Variants in VPS18 observed in about 807,000 individuals in gnomAD.
The protein encoded by VPS18 is VPS18 core subunit of CORVET and HOPS complexes.
A neutral mutation model predicts 82.0 loss-of-function variants in VPS18; 25 were observed. The ratio of observed to expected loss-of-function variants is 0.30; its 90% CI spans 0.22 to 0.43. The LOEUF (loss-of-function observed/expected upper bound fraction) is 0.43. VPS18 is among the 20% of genes least tolerant of loss of function. VPS18 has a pLI of 1.00. For synonymous variants in VPS18, 523 were observed against 543.0 expected, an observed-to-expected ratio of 0.96 and a Z score of 0.51; for missense variants, 1,168 against 1,311.1, an observed-to-expected ratio of 0.89 and a Z score of 1.69.
intron 2 of VPS18, 113 bp downstream of exon 2, chr15:40,896,192 T>G: frequency 6.9e-7 from 1 of 1,451,998 alleles, no homozygotes; most frequent in Non-Finnish European, 9.4e-7. Context: ...ATTTGGAGTT[T>G]TCAGGAAATA....
At chr15:40,896,189 G>A (rs752414083) in intron 2 of VPS18, 110 bp downstream of exon 2, 22 of 1,472,972 alleles carry the variant, frequency 1.5e-5, no homozygotes, top group Non-Finnish European at 1.7e-5. Flanking sequence ...TGAATTTGGA[G>A]TTTTCAGGAA....
rs1249646555 is a variant in VPS18 at position 40,902,112 on chromosome 15, CTTTCTTT to C, written c.2197-500_2197-494del. Among the ~76,000 whole-genome samples, 2 of 132,770 alleles carry C rather than the reference CTTTCTTT, an allele frequency of 1.5e-5. No homozygotes were observed. The highest frequency in any genetic ancestry group is 6.6e-5 in the African/African-American group (2 of 30,200). The allele number at this position is 132,770 out of a possible 152,430, so 87.1% of individuals were successfully genotyped here. ...AGGTGATTTCTTTCTTTCTTTCTTT[CTTTCTTT>C]TTTTTTTTTTTGAGACGGAGTCTTG... On this transcript the variant is annotated intron_variant, in intron 4 of 4. Transcript: ENST00000220509. This position sits in a 1 kb window ranked among gnomAD's most constrained non-coding sequence, Gnocchi z 4.2.
In VPS18 at chr15:40,896,874, T is replaced by C. The variant is rs1892239330; in HGVS notation, c.233+795T>C. Among the ~76,000 whole-genome samples the C allele has an allele frequency of 2.0e-5, 3 of 151,412 alleles. No homozygotes were observed. The South Asian group carries it at 6.3e-4, about 32-fold the overall frequency. On this transcript the variant is annotated intron_variant, in intron 2 of 4. Transcript: ENST00000220509. The stretch of plus-strand genomic sequence containing the variant: ...TTTAGGAGTGTAGACTTAAGAGTAT[T>C]AGAGTATTGATTAGAGCATTCTTGT...
chr15:40,899,850 G>T lies in VPS18; in HGVS notation c.1032G>T (p.Glu344Asp). The change falls in exon 4 of 5, where the codon GAG (glutamate) becomes GAT (aspartate). Residue 344 changes from glutamate to aspartate, a missense_variant. By Grantham distance (45) the Glu-to-Asp change is conservative. This residue lies in a region of VPS18 where 868 missense variants were observed against 939.8 expected (regional missense o/e 0.92). Transcript: ENST00000220509. The surrounding 1 kb of genome is among the most constrained non-coding windows in gnomAD (Gnocchi z 4.4). ...TGCTGCTACTGGCAGACCGGGTGGA[G>T]GCAGTGTGCACACTGACCGGGCAGG... ...HFLLLLADRV[E>D]AVCTLTGQVV... 3 of 1,608,744 alleles carry T rather than the reference G, an allele frequency of 1.9e-6. No homozygotes were observed. The highest frequency in any genetic ancestry group is 2.5e-6 in the Non-Finnish European group (3 of 1,180,006).
rs1892326770 is a variant in VPS18 at position 40,900,273 on chromosome 15, T to C, written c.1455T>C (p.Arg485=). ...TGGCCAGTTTGAAGCCAGCCGAACGTACCCAGGCCACACTGCTGACCACCT... is the reference window on the plus strand; with the variant it reads ...TGGCCAGTTTGAAGCCAGCCGAACGCACCCAGGCCACACTGCTGACCACCT... ...RKLASLKPAE[R]TQATLLTTWL... Residue 485 remains arginine, a synonymous_variant, in exon 4 of 5, where the codon CGT becomes CGC. Coordinates refer to ENST00000220509, the MANE Select transcript of VPS18 (RefSeq NM_020857.3). This position sits in a 1 kb window ranked among gnomAD's most constrained non-coding sequence, Gnocchi z 5.4. 1.2e-6 allele frequency: 2 copies of C among 1,613,644 alleles called. No homozygotes were observed. Among genetic ancestry groups the C allele is most frequent in the African/African-American group, 1.3e-5 (1 of 74,904 alleles).
chr15:40,903,276 C>T lies in VPS18; in HGVS notation c.2857C>T (p.Arg953Cys), dbSNP rs559049517. The T allele has an allele frequency of 4.4e-6, 7 of 1,586,124 alleles. No individual in the cohort carries two copies. The South Asian group carries it at 5.7e-5, about 13-fold the overall frequency. ...ECVYCGELMIRSIDRPFIDPQ... is the reference protein window; with the variant it reads ...ECVYCGELMICSIDRPFIDPQ... ...TGTGTACTGTGGGGAGCTGATGATC[C>T]GCTCTATCGACCGGCCGTTCATCGA... The change falls in exon 5 of 5, where the codon CGC (arginine) becomes TGC (cysteine). Residue 953 changes from arginine to cysteine, a missense_variant. Arg to Cys is a radical substitution (Grantham distance 180). Coordinates refer to ENST00000220509, the MANE Select transcript of VPS18 (RefSeq NM_020857.3).
chr15:40,903,273 A>T lies in VPS18; in HGVS notation c.2854A>T (p.Ile952Phe), dbSNP rs764710553. ...AECVYCGELM[I>F]RSIDRPFIDP... ...GTGTGTGTACTGTGGGGAGCTGATG[A>T]TCCGCTCTATCGACCGGCCGTTCAT... Residue 952 changes from isoleucine (I) to phenylalanine (F), a missense_variant, in exon 5 of 5, where the codon ATC becomes TTC. Transcript: ENST00000220509. 3 of 1,589,906 alleles carry T rather than the reference A, an allele frequency of 1.9e-6. No homozygotes were observed. Among genetic ancestry groups the T allele is most frequent in the Non-Finnish European group, 2.6e-6 (3 of 1,167,656 alleles).
At position 40,900,963 on chromosome 15, in the gene VPS18, T is replaced by A; in HGVS notation, c.2145T>A (p.His715Gln). The A allele has an allele frequency of 6.2e-7, 1 of 1,611,310 alleles. No individual in the cohort carries two copies. Among genetic ancestry groups the A allele is most frequent in the Non-Finnish European group, 8.5e-7 (1 of 1,179,990 alleles). The change falls in exon 4 of 5, where the codon CAT (histidine) becomes CAA (glutamine). Residue 715 changes from histidine to glutamine, a missense_variant. Physicochemically the swap from His to Gln is conservative, Grantham distance 24. Coordinates refer to ENST00000220509, the MANE Select transcript of VPS18 (RefSeq NM_020857.3). The surrounding 1 kb of genome is among the most constrained non-coding windows in gnomAD (Gnocchi z 5.4). Reference protein sequence around the residue: ...AEHGHHRACVHVYKVLELYEE... With the variant: ...AEHGHHRACVQVYKVLELYEE... ...ATGGCCACCACCGCGCTTGTGTCCA[T>A]GTCTACAAGGTCCTAGAGCTGTATG...
chr15:40,903,023 C>T lies in VPS18; in HGVS notation c.2604C>T (p.Phe868=). 1 of 1,614,272 alleles carries T rather than the reference C, an allele frequency of 6.2e-7. No homozygotes were observed. The highest frequency in any genetic ancestry group is 2.2e-5 in the East Asian group (1 of 44,886). ...FPLLNRPFYL[F]LCGHMFHADC... ...TGCTCAACCGCCCTTTTTACCTCTT[C>T]CTCTGTGGCCATATGTTCCATGCTG... is the stretch of plus-strand genomic sequence containing the variant. Residue 868 remains phenylalanine, a synonymous_variant, in exon 5 of 5, where the codon TTC becomes TTT. Transcript: ENST00000220509.
rs1892400867 is a variant in VPS18 at position 40,903,424 on chromosome 15, T to C, written c.*83T>C. ...GAGAAGGCTGCCTCCTAGGCTCTGC[T>C]CAGTCATCTTGCAATTGCCACACTG... On this transcript the variant is annotated 3_prime_UTR_variant, in exon 5 of 5. Coordinates refer to ENST00000220509, the MANE Select transcript of VPS18 (RefSeq NM_020857.3). 1.3e-6 allele frequency: 2 copies of C among 1,490,866 alleles called. No homozygotes were observed. Among genetic ancestry groups the C allele is most frequent in the Non-Finnish European group, 1.8e-6 (2 of 1,121,534 alleles). 92.4% of individuals were successfully genotyped at this position (1,490,866 alleles called of 1,614,324 possible). A position where few individuals can be genotyped will look rare whatever the true frequency, so the allele number is the denominator to read the frequency against.
rs141929948 is a variant in VPS18 at position 40,902,728 on chromosome 15, T to C, written c.2309T>C (p.Val770Ala). The C allele has an allele frequency of 1.7e-5, 27 of 1,614,282 alleles. No individual in the cohort carries two copies. The African/African-American group carries it at 3.3e-4, about 20-fold the overall frequency. ...ARHVVQEEED[V>A]QTAMACLASC... Reference sequence around the variant, plus strand: ...CACGTGGTGCAGGAAGAGGAAGATGTACAGACAGCCATGGCTTGCCTGGCT... The same window carrying C: ...CACGTGGTGCAGGAAGAGGAAGATGCACAGACAGCCATGGCTTGCCTGGCT... The change falls in exon 5 of 5, where the codon GTA becomes GCA. Residue 770 changes from valine to alanine, a missense_variant. Physicochemically the swap from Val to Ala is moderately conservative, Grantham distance 64. This residue lies in a region of VPS18 where 296 missense variants were observed against 354.0 expected (regional missense o/e 0.84). Transcript: ENST00000220509. This position sits in a 1 kb window ranked among gnomAD's most constrained non-coding sequence, Gnocchi z 4.2.
chr15:40,902,609 C>T lies in VPS18; in HGVS notation c.2197-7C>T. The T allele has an allele frequency of 3.7e-6, 6 of 1,605,550 alleles. No homozygotes were observed. Among genetic ancestry groups the T allele is most frequent in the Non-Finnish European group, 5.1e-6 (6 of 1,174,158 alleles). Reference sequence around the variant, plus strand: ...GCTTGGCCCTAAAGCCCATGCTCTCCCCACAGGTGGATGTGGACCTGGCCA... The same window carrying T: ...GCTTGGCCCTAAAGCCCATGCTCTCTCCACAGGTGGATGTGGACCTGGCCA... On this transcript the variant is annotated splice_region_variant and splice_polypyrimidine_tract_variant and intron_variant, in intron 4 of 4. Coordinates refer to ENST00000220509, the MANE Select transcript of VPS18 (RefSeq NM_020857.3). The surrounding 1 kb of genome is among the most constrained non-coding windows in gnomAD (Gnocchi z 4.2).
At chr15:40,894,936 A>G (rs965691652) in intron 1 of VPS18, 77 bp downstream of exon 1, 1 of 1,429,618 alleles carries the variant, frequency 7.0e-7, no homozygotes, top group Middle Eastern at 1.9e-4. Flanking sequence ...GGGCAGCTCC[A>G]AGAGCTCGGG....
In VPS18 at chr15:40,899,416, G is replaced by T. The variant is rs142085539; in HGVS notation, c.598G>T (p.Gly200Trp). 3.9e-5 allele frequency: 62 copies of T among 1,603,594 alleles called. No individual in the cohort carries two copies. In the African/African-American group the frequency reaches 7.7e-4, roughly 20 times the overall value. ...FRPLYVLNEE[G>W]GPAPVCSLEA... ...CCCATTGTACGTGCTAAATGAAGAAGGGGGTCCAGCACCTGTGTGCTCCCT... is the reference window on the plus strand; with the variant it reads ...CCCATTGTACGTGCTAAATGAAGAATGGGGTCCAGCACCTGTGTGCTCCCT... The change falls in exon 4 of 5, where the codon GGG becomes TGG. Residue 200 changes from glycine to tryptophan, a missense_variant. Physicochemically the swap from Gly to Trp is radical, Grantham distance 184. Coordinates refer to ENST00000220509, the MANE Select transcript of VPS18 (RefSeq NM_020857.3). This position sits in a 1 kb window ranked among gnomAD's most constrained non-coding sequence, Gnocchi z 4.4.
At position 40,900,228 on chromosome 15, in the gene VPS18, T is replaced by A. The variant is rs1338660899; in HGVS notation, c.1410T>A (p.Ala470=). The A allele has an allele frequency of 6.2e-7, 1 of 1,613,556 alleles. No individual in the cohort carries two copies. Among genetic ancestry groups the A allele is most frequent in the African/African-American group, 1.3e-5 (1 of 74,858 alleles). The stretch of plus-strand genomic sequence containing the variant: ...AGGCCCGACAGGAGGAGGCTCTGGC[T>A]GAGTTCCTGCAGCGAAAACTGGCCA... The part of the protein sequence containing the change: ...FLEARQEEAL[A]EFLQRKLASL... The change falls in exon 4 of 5, where the codon GCT becomes GCA. Residue 470 remains alanine, a synonymous_variant. Transcript: ENST00000220509. This position sits in a 1 kb window ranked among gnomAD's most constrained non-coding sequence, Gnocchi z 5.4.
At position 40,903,598 on chromosome 15, in the gene VPS18, G is replaced by A. The variant is rs551948521; in HGVS notation, c.*257G>A. ...CAGTAGAGGCCCTTCACCTGGAGAA[G>A]TCAGAAATCTGACCCAATTCCACCC... On this transcript the variant is annotated 3_prime_UTR_variant, in exon 5 of 5. Transcript: ENST00000220509. 7.2e-6 allele frequency: 3 copies of A among 415,610 alleles called. No homozygotes were observed. In the South Asian group the frequency reaches 2.0e-4, roughly 27 times the overall value. The allele number at this position is 415,610 out of a possible 1,614,324, so 25.7% of individuals were successfully genotyped here.
At position 40,903,491 on chromosome 15, in the gene VPS18, G is replaced by T. The variant is rs62020569; in HGVS notation, c.*150G>T. On this transcript the variant is annotated 3_prime_UTR_variant, in exon 5 of 5. Coordinates refer to ENST00000220509, the MANE Select transcript of VPS18 (RefSeq NM_020857.3). ...AGTAGAGTAGCGCTGTTGGCCAGGA[G>T]GTGTCAGGTGTGAGTGTATTCTGCC... The T allele has an allele frequency of 0.012, 13,432 of 1,102,384 alleles. 119 individuals are homozygous for T. The highest frequency in any genetic ancestry group is 0.018 in the Admixed American group (541 of 29,642). The allele number at this position is 1,102,384 out of a possible 1,614,324, so 68.3% of individuals were successfully genotyped here.
At chr15:40,897,962 T>A (rs1272990776) in intron 2 of VPS18, among the ~76,000 whole-genome samples, 1 of 152,000 alleles carries the variant, frequency 6.6e-6, no homozygotes, top group Non-Finnish European at 1.5e-5. Flanking sequence ...TCTTTTTTCT[T>A]TTCTTTTTCT....
rs1244121978 is a variant in VPS18 at position 40,900,527 on chromosome 15, T to G, written c.1709T>G (p.Val570Gly). ...AVIMQDYERV[V>G]AYHCQHEAYE... ...ATCATGCAGGACTATGAGCGGGTGG[T>G]GGCTTACCACTGTCAGCACGAGGCC... The change falls in exon 4 of 5, where the codon GTG becomes GGG. Residue 570 changes from valine to glycine, a missense_variant. By Grantham distance (109) the Val-to-Gly change is moderately radical. This residue lies in a region of VPS18 where 868 missense variants were observed against 939.8 expected (regional missense o/e 0.92). Coordinates refer to ENST00000220509, the MANE Select transcript of VPS18 (RefSeq NM_020857.3). This position sits in a 1 kb window ranked among gnomAD's most constrained non-coding sequence, Gnocchi z 5.4. 1 of 1,614,082 alleles carries G rather than the reference T, an allele frequency of 6.2e-7. No individual in the cohort carries two copies. Among genetic ancestry groups the G allele is most frequent in the South Asian group, 1.1e-5 (1 of 91,086 alleles).
Sources: gnomAD v4.1 joint callset for allele counts (sites outside exome capture counted in the v4.1 genomes callset) on GRCh38, gnomAD v4.1.1 for gene constraint, gnomAD v4.1.1 regional missense constraint, Gnocchi (gnomAD v3.1) non-coding constraint, MANE v1.5 for transcripts, NCBI Gene and HGNC (gene_info 2026-07-23, HGNC 2026-07-21) for gene names.